The following TOM1L2 variants were observed in gnomAD, a reference collection of about 807,000 sequenced individuals.
TOM1L2 encodes the protein target of myb1 like 2 membrane trafficking protein.
A neutral mutation model predicts 67.9 loss-of-function variants in TOM1L2; 31 were observed. The ratio of observed to expected loss-of-function variants is 0.46; its 90% CI spans 0.34 to 0.62. The LOEUF is 0.62. Ranked by LOEUF, TOM1L2 falls within the 20% of genes least tolerant of loss-of-function variation. TOM1L2 has a pLI of 0.01. For missense variants in TOM1L2, 606 were observed against 663.5 expected (o/e 0.91, Z 0.95); for synonymous variants, 256 against 254.0 (o/e 1.01, Z -0.07).
chr17:17,878,426 C>A (rs146502059), intron 7 of TOM1L2, among the ~76,000 whole-genome samples: 93 of 152,362 alleles, frequency 6.1e-4, no homozygotes, highest in Admixed American at 1.1e-3. Flanking sequence ...CCAGGGACCA[C>A]AGCTCATGCA....
chr17:17,924,634 C>T (rs1008423864), intron 1 of TOM1L2, among the ~76,000 whole-genome samples: 7 of 152,072 alleles, frequency 4.6e-5, no homozygotes, highest in African/African-American at 1.7e-4. Context: ...CATGGTGGTA[C>T]ATGCCTGTAG....
intron 1 of TOM1L2, among the ~76,000 whole-genome samples, chr17:17,946,212 A>G (rs1479536448): frequency 1.3e-5 from 2 of 152,154 alleles, no homozygotes; most frequent in Non-Finnish European, 2.9e-5. Context: ...TTATTGAGAT[A>G]TAATTTACAT....
At chr17:17,929,532 G>A (rs547086166) in intron 1 of TOM1L2, among the ~76,000 whole-genome samples, 4 of 152,238 alleles carry the variant, frequency 2.6e-5, no homozygotes, top group South Asian at 2.1e-4. Flanking sequence ...TCAGGAGGCC[G>A]AGGCAGGAGA....
rs187287829 is a variant in TOM1L2 at position 17,872,014 on chromosome 17, C to T, written c.778-2541G>A. On this transcript the variant is annotated intron_variant, in intron 7 of 14. Transcript: ENST00000379504. ...GTCCCCAGGCCAGGCAGGAGAGGGG[C>T]TCTCAAAAAGCTGCCTGGGCCTTGG... 5.7e-4 allele frequency: 557 copies of T among 985,462 alleles called. 3 individuals carry two copies. The African/African-American group carries it at 9.1e-3, about 16-fold the overall frequency. 61.0% of individuals were successfully genotyped at this position (985,462 alleles called of 1,614,324 possible). A position where few individuals can be genotyped will look rare whatever the true frequency, so the allele number is the denominator to read the frequency against.
intron 7 of TOM1L2, among the ~76,000 whole-genome samples, chr17:17,873,877 G>A (rs1419386012): frequency 2.0e-5 from 3 of 152,188 alleles, no homozygotes; most frequent in Admixed American, 1.3e-4. Context: ...TGCTTTTCTC[G>A]ATTTTAAACA....
chr17:17,944,005 C>T (rs903846039), intron 1 of TOM1L2, among the ~76,000 whole-genome samples: 1 of 152,234 alleles, frequency 6.6e-6, no homozygotes, highest in Non-Finnish European at 1.5e-5. Context: ...CTTACTCTGC[C>T]CCTCTCAGTG....
In TOM1L2 at chr17:17,866,341, T is replaced by C. The variant is rs146446650; in HGVS notation, c.1039A>G (p.Asn347Asp). The change falls in exon 10 of 15, where the codon AAC becomes GAC. Residue 347 changes from asparagine (N) to aspartate (D), a missense_variant. By Grantham distance (23) the Asn-to-Asp change is conservative. Around this residue, in one of 2 missense-constraint regions of TOM1L2, gnomAD observed 543 missense variants for 554.0 expected, o/e 0.98. Coordinates refer to ENST00000379504, the MANE Select transcript of TOM1L2 (RefSeq NM_001082968.2). ...SPAVVSPMVGNTAPPSSLSSQ... is the reference protein window; with the variant it reads ...SPAVVSPMVGDTAPPSSLSSQ... ...GAGAGGGAAGATGGGGGCGCTGTGT[T>C]CCCCACCATTGGGCTCACCACGGCT... 6.8e-6 allele frequency: 11 copies of C among 1,612,116 alleles called. No homozygotes were observed. The African/African-American group carries it at 1.5e-4, about 22-fold the overall frequency.
chr17:17,920,449 T>G (rs958479432), intron 1 of TOM1L2, among the ~76,000 whole-genome samples: 4 of 147,614 alleles, frequency 2.7e-5, no homozygotes, highest in Non-Finnish European at 6.0e-5. Context: ...CAAGCAATTC[T>G]CCAGCCTCAG....
At chr17:17,866,037 C>T (rs1346959493) in intron 10 of TOM1L2, among the ~76,000 whole-genome samples, 2 of 152,100 alleles carry the variant, frequency 1.3e-5, no homozygotes, top group African/African-American at 4.8e-5. Flanking sequence ...CCACTGCGCA[C>T]GGCCGTGACC....
intron 1 of TOM1L2, among the ~76,000 whole-genome samples, chr17:17,969,744 T>C (rs2041997616): frequency 6.6e-6 from 1 of 152,228 alleles, no homozygotes; most frequent in Non-Finnish European, 1.5e-5. Flanking sequence ...TTAAATATTC[T>C]GTTATTAACA....
intron 6 of TOM1L2, among the ~76,000 whole-genome samples, 184 bp from the exon 7 acceptor site, chr17:17,879,927 G>C (rs554621463): frequency 6.6e-6 from 1 of 152,272 alleles, no homozygotes; most frequent in South Asian, 2.1e-4. Flanking sequence ...TGTCAGCTCT[G>C]AGAGAGCTGA....
chr17:17,941,570 G>A (rs1355970267), intron 1 of TOM1L2, among the ~76,000 whole-genome samples: 2 of 152,110 alleles, frequency 1.3e-5, no homozygotes, highest in Admixed American at 6.6e-5. Flanking sequence ...AGATATCCAC[G>A]GGCAGTCTAA....
chr17:17,929,588 A>G (rs2040242631), intron 1 of TOM1L2, among the ~76,000 whole-genome samples: 1 of 152,136 alleles, frequency 6.6e-6, no homozygotes, highest in Admixed American at 6.6e-5. Flanking sequence ...CCGAGATCGC[A>G]CCATTGTACT....
intron 4 of TOM1L2, among the ~76,000 whole-genome samples, chr17:17,890,484 T>C (rs2038219774): frequency 6.6e-6 from 1 of 152,222 alleles, no homozygotes; most frequent in African/African-American, 2.4e-5. Flanking sequence ...GCAGCATTTT[T>C]CACAGTACCC....
intron 1 of TOM1L2, among the ~76,000 whole-genome samples, chr17:17,937,384 T>A (rs1294306512): frequency 6.6e-6 from 1 of 152,216 alleles, no homozygotes; most frequent in Non-Finnish European, 1.5e-5. Context: ...CCCTGATGAA[T>A]AACCAGCCAT....
chr17:17,938,766 GTTTT>G (rs372811565), intron 1 of TOM1L2, among the ~76,000 whole-genome samples: 1 of 144,970 alleles, frequency 6.9e-6, no homozygotes, highest in Admixed American at 6.9e-5. Context: ...GGTTGAAAGG[GTTTT>G]TTTTTTTTTT....
chr17:17,872,124 T>A, intron 7 of TOM1L2: 1 of 831,194 alleles, frequency 1.2e-6, no homozygotes, highest in Non-Finnish European at 1.5e-6. Context: ...CAGTCACAAT[T>A]ACTGTACACA....
chr17:17,968,609 G>A (rs2041951896), intron 1 of TOM1L2, among the ~76,000 whole-genome samples: 2 of 150,660 alleles, frequency 1.3e-5, no homozygotes, highest in African/African-American at 4.9e-5. Flanking sequence ...AGGTTGCAGT[G>A]AGCTTAGATC....
intron 1 of TOM1L2, among the ~76,000 whole-genome samples, chr17:17,941,799 A>G (rs2040744664): frequency 6.6e-6 from 1 of 152,218 alleles, no homozygotes; most frequent in South Asian, 2.1e-4. Context: ...AAATCCACAG[A>G]TAACCTATGA....
Sources: gnomAD v4.1 joint callset for allele counts (sites outside exome capture counted in the v4.1 genomes callset) on GRCh38, gnomAD v4.1.1 for gene constraint, gnomAD v4.1.1 regional missense constraint, MANE v1.5 for transcripts, NCBI Gene and HGNC (gene_info 2026-07-23, HGNC 2026-07-21) for gene names.